Variants in SASH1 observed in about 807,000 individuals in gnomAD.
SASH1 encodes SAM and SH3 domain containing 1, also known as SAM and SH3 domain-containing protein 1.
In SASH1, 44 loss-of-function variants were observed where a neutral mutation model predicts 125.2. The ratio of observed to expected loss-of-function variants is 0.35; its 90% CI spans 0.28 to 0.45. The LOEUF (loss-of-function observed/expected upper bound fraction) is 0.45, where lower values mean the gene tolerates loss of function less well. Ranked by LOEUF, SASH1 falls within the 20% of genes least tolerant of loss-of-function variation. The pLI, the probability that SASH1 is intolerant of heterozygous loss-of-function variation, is 1.00. For missense variants in SASH1, 1,426 were observed against 1,614.5 expected (o/e 0.88, Z 2.00); for synonymous variants, 639 against 649.1 (o/e 0.98, Z 0.24).
intron 15 of SASH1, 39 bp from the exon 16 acceptor site, chr6:148,534,712 C>T: frequency 1.2e-6 from 2 of 1,611,312 alleles, no homozygotes; most frequent in Non-Finnish European, 1.7e-6. Context: ...TGTGTCTGGG[C>T]TGGCTGACAC....
the SASH1 span, among the ~76,000 whole-genome samples, chr6:148,233,143 G>A: frequency 2.6e-5 from 4 of 151,824 alleles, no homozygotes; most frequent in Non-Finnish European, 5.9e-5. Context: ...GAACCCAGGA[G>A]GCGGAGGTTG....
At chr6:148,344,810 C>CA (rs919545441) in intron 1 of SASH1, among the ~76,000 whole-genome samples, 4 of 149,838 alleles carry the variant, frequency 2.7e-5, no homozygotes, top group Non-Finnish European at 5.9e-5. Flanking sequence ...GGCTGGGGTG[C>CA]AGTGGCACGA....
At chr6:148,346,417 A>T (rs918511598) in intron 1 of SASH1, among the ~76,000 whole-genome samples, 1 of 152,118 alleles carries the variant, frequency 6.6e-6, no homozygotes, top group Non-Finnish European at 1.5e-5. Context: ...ATGTTTGAGC[A>T]GTACTAGAAT....
chr6:148,470,274 A>G (rs1212520607), intron 5 of SASH1, among the ~76,000 whole-genome samples: 1 of 152,114 alleles, frequency 6.6e-6, no homozygotes, highest in Non-Finnish European at 1.5e-5. Context: ...CTTAAATGTG[A>G]GGGCATCCTG....
chr6:148,366,464 G>T (rs2114727713), intron 1 of SASH1, among the ~76,000 whole-genome samples: 1 of 152,292 alleles, frequency 6.6e-6, no homozygotes, highest in East Asian at 1.9e-4. Context: ...GTCCGGACTT[G>T]GTGGGGCGAT....
At chr6:148,387,600 CT>C (rs1428836757) in intron 1 of SASH1, among the ~76,000 whole-genome samples, 4 of 12,992 alleles carry the variant, frequency 3.1e-4, no homozygotes, top group African/African-American at 1.8e-3. Flanking sequence ...TTCTTTCTTT[CT>C]TTCTTTCTTT....
intron 2 of SASH1, among the ~76,000 whole-genome samples, chr6:148,414,691 G>A (rs961172289): frequency 6.6e-6 from 1 of 151,804 alleles, no homozygotes; most frequent in Non-Finnish European, 1.5e-5. Flanking sequence ...TTTGAGACAG[G>A]GTCTTGTTTT....
intron 1 of SASH1, among the ~76,000 whole-genome samples, chr6:148,280,732 T>C (rs1779316386): frequency 6.6e-6 from 1 of 152,108 alleles, no homozygotes. Context: ...CGCTTGAGCC[T>C]GGGTGGTCAA....
At chr6:148,366,893 T>C (rs971285533) in intron 1 of SASH1, among the ~76,000 whole-genome samples, 3 of 151,390 alleles carry the variant, frequency 2.0e-5, no homozygotes, top group Non-Finnish European at 4.4e-5. Flanking sequence ...AGGATTCCAT[T>C]TGGATACGCT....
chr6:148,347,934 A>G (rs1180864966), intron 1 of SASH1, among the ~76,000 whole-genome samples: 1 of 152,080 alleles, frequency 6.6e-6, no homozygotes, highest in Non-Finnish European at 1.5e-5. Flanking sequence ...AGGAGGCAGA[A>G]CTCAGGCGTC....
chr6:148,339,004 TAAAAAAA>T (rs760321688), upstream of SASH1, among the ~76,000 whole-genome samples: 7 of 88,198 alleles, frequency 7.9e-5, no homozygotes, highest in South Asian at 5.6e-4. Context: ...ACTCTGTCTT[TAAAAAAA>T]AAAAAAAAAA....
At chr6:148,546,212 A>G in intron 19 of SASH1, 66 bp downstream of exon 19, 1 of 1,554,344 alleles carries the variant, frequency 6.4e-7, no homozygotes, top group Non-Finnish European at 8.7e-7. Flanking sequence ...TGATGACCAT[A>G]CTAACAACTG....
the SASH1 span, among the ~76,000 whole-genome samples, chr6:148,237,921 T>C: frequency 5.3e-5 from 8 of 152,166 alleles, no homozygotes; most frequent in Admixed American, 4.6e-4. Context: ...TGTTTTCCAA[T>C]GCACATTGTT....
At chr6:148,233,391 T>G in the SASH1 span, among the ~76,000 whole-genome samples, 1 of 152,062 alleles carries the variant, frequency 6.6e-6, no homozygotes, top group African/African-American at 2.4e-5. Context: ...ACCAGAACCT[T>G]CACCCACCCA....
At chr6:148,215,629 A>G in the SASH1 span, among the ~76,000 whole-genome samples, 24 of 152,256 alleles carry the variant, frequency 1.6e-4, no homozygotes, top group Non-Finnish European at 2.4e-4. Context: ...GATTCTCAGT[A>G]ATAAACGGCC....
intron 1 of SASH1, among the ~76,000 whole-genome samples, chr6:148,335,888 G>C (rs1380558176): frequency 1.3e-5 from 2 of 152,254 alleles, no homozygotes; most frequent in Admixed American, 6.5e-5. Flanking sequence ...AGAGACGTAG[G>C]TATGAACAAG....
At chr6:148,530,042 T>C (rs1781421798) in intron 12 of SASH1, among the ~76,000 whole-genome samples, 1 of 152,126 alleles carries the variant, frequency 6.6e-6, no homozygotes, top group Admixed American at 6.5e-5. Context: ...CCTGACCTCG[T>C]GAGCCACCCA....
intron 1 of SASH1, among the ~76,000 whole-genome samples, chr6:148,277,378 G>A (rs1779216510): frequency 1.3e-5 from 2 of 152,220 alleles, no homozygotes; most frequent in Non-Finnish European, 2.9e-5. Context: ...ATGGCATGGA[G>A]AGACATTGGG....
intron 1 of SASH1, chr6:148,278,586 A>G (rs1779252138): frequency 6.6e-6 from 1 of 152,150 alleles, no homozygotes. Context: ...GACTAAAAAG[A>G]GCTTAACTAT....
Sources: allele counts gnomAD v4.1 joint callset (sites outside exome capture counted in the v4.1 genomes callset), GRCh38; gene constraint gnomAD v4.1.1; transcripts MANE v1.5; gene names NCBI Gene and HGNC (gene_info 2026-07-23, HGNC 2026-07-21).